The following BCAS1 variants were observed in gnomAD, a reference collection of about 807,000 sequenced individuals.
BCAS1 encodes the protein brain enriched myelin associated protein 1.
A neutral mutation model predicts 65.4 loss-of-function variants in BCAS1; 46 were observed. That is an observed-to-expected ratio of 0.70 (90% confidence interval 0.55 to 0.90). BCAS1 has a LOEUF of 0.90. BCAS1 is among the 40% of genes least tolerant of loss of function. The probability of loss-of-function intolerance (pLI) is 0.00; values close to 1 mark genes in which losing one functional copy is unlikely to be tolerated. For synonymous variants in BCAS1, 298 were observed against 293.5 expected (o/e 1.02, Z -0.16); for missense variants, 793 against 771.2 (o/e 1.03, Z -0.33).
In BCAS1 at chr20:53,980,511, T is replaced by C. The variant is rs6127044; in HGVS notation, c.1275+4776A>G. On this transcript the variant is annotated intron_variant, in intron 8 of 12. Coordinates refer to ENST00000688948, the MANE Select transcript of BCAS1 (RefSeq NM_001366298.2). ...TATAGGGCCACTCTTAGGCTATTAT[T>C]GTCAGGCAGTGGGTTAAGTGCTTTA... is the stretch of plus-strand genomic sequence containing the variant. Among the ~76,000 whole-genome samples, 12 of 152,372 alleles carry C rather than the reference T, an allele frequency of 7.9e-5. No homozygotes were observed. In the East Asian group the frequency reaches 2.1e-3, roughly 27 times the overall value.
intron 1 of BCAS1, among the ~76,000 whole-genome samples, chr20:54,069,015 G>C (rs999259317): frequency 1.3e-5 from 2 of 152,106 alleles, no homozygotes; most frequent in Admixed American, 6.5e-5. Flanking sequence ...AACCCTTCTG[G>C]GTTCCAGAAC....
intron 7 of BCAS1, among the ~76,000 whole-genome samples, chr20:53,990,447 T>C (rs1011862619): frequency 3.3e-5 from 5 of 152,230 alleles, no homozygotes; most frequent in African/African-American, 1.2e-4. Context: ...GAGAAAATTC[T>C]TTTTATAAGA....
At chr20:53,947,683 G>T (rs2089371703) in intron 12 of BCAS1, among the ~76,000 whole-genome samples, 1 of 152,140 alleles carries the variant, frequency 6.6e-6, no homozygotes, top group Non-Finnish European at 1.5e-5. Context: ...TAAGTGGGGT[G>T]CCGGCTTCTG....
In BCAS1 at chr20:54,030,596, A is replaced by G. The variant is rs953790507; in HGVS notation, c.143-1624T>C. ...TGCTCATTAATATGTAGTGAGAAAT[A>G]CATACACACACACATACACACACAT... On this transcript the variant is annotated intron_variant, in intron 3 of 12. Transcript: ENST00000688948. Among the ~76,000 whole-genome samples, 41 of 141,440 alleles carry G rather than the reference A, an allele frequency of 2.9e-4. 2 individuals are homozygous for G. Among genetic ancestry groups the G allele is most frequent in the African/African-American group, 9.1e-4 (37 of 40,464 alleles). 92.8% of individuals were successfully genotyped at this position (141,440 alleles called of 152,430 possible).
chr20:53,944,998 T>C lies in BCAS1; in HGVS notation c.1816-2A>G. ...AGCATCCAACATCCGCTTTGGTCCCTGGAGAAAAACAGAAAGACGTGGCAG... is the reference window on the plus strand; with the variant it reads ...AGCATCCAACATCCGCTTTGGTCCCCGGAGAAAAACAGAAAGACGTGGCAG... On this transcript the variant is annotated splice_acceptor_variant, in intron 12 of 12. Coordinates refer to ENST00000688948, the MANE Select transcript of BCAS1 (RefSeq NM_001366298.2). LOFTEE classifies it high-confidence loss of function. 1 of 1,614,018 alleles carries C rather than the reference T, an allele frequency of 6.2e-7. No individual in the cohort carries two copies. The highest frequency in any genetic ancestry group is 8.5e-7 in the Non-Finnish European group (1 of 1,179,958).
intron 4 of BCAS1, among the ~76,000 whole-genome samples, chr20:54,010,367 C>T (rs1026717389): frequency 2.0e-5 from 3 of 152,070 alleles, no homozygotes; most frequent in Non-Finnish European, 4.4e-5. Flanking sequence ...AACAGAATAA[C>T]ACCTAGAATT....
At position 54,020,777 on chromosome 20, in the gene BCAS1, G is replaced by T. The variant is rs116414245; in HGVS notation, c.723+7615C>A. On this transcript the variant is annotated intron_variant, in intron 4 of 12. Transcript: ENST00000688948. ...TGATCATTAGCAGATTTAAAAATAAGGTAGTGGGTCAAAACCAGCAGTAAA... is the reference window on the plus strand; with the variant it reads ...TGATCATTAGCAGATTTAAAAATAATGTAGTGGGTCAAAACCAGCAGTAAA... 2.9e-3 allele frequency among the ~76,000 whole-genome samples: 448 copies of T among 152,304 alleles called. 2 individuals carry two copies. Among genetic ancestry groups the T allele is most frequent in the African/African-American group, 0.01 (430 of 41,568 alleles).
Position 54,028,857 on chromosome 20 carries a change from G to T in BCAS1, c.258C>A (p.Pro86=), listed in dbSNP as rs377354616. Residue 86 remains proline, a synonymous_variant, in exon 4 of 13, where the codon CCC becomes CCA. Transcript: ENST00000688948. Reference sequence around the variant, plus strand: ...AACGAGATTTAGCAGCTGGTGCCTCGGGTTTGGCCTCTTTCCCAAGATTCT... The same window carrying T: ...AACGAGATTTAGCAGCTGGTGCCTCTGGTTTGGCCTCTTTCCCAAGATTCT... ...NGKNLGKEAK[P]EAPAAKSRFF... is the part of the protein sequence containing the mutation. 5.2e-5 allele frequency: 84 copies of T among 1,613,942 alleles called. 2 individuals carry two copies. The highest frequency in any genetic ancestry group is 2.2e-4 in the East Asian group (10 of 44,856).
intron 1 of BCAS1, among the ~76,000 whole-genome samples, chr20:54,070,093 A>G (rs543752453): frequency 6.6e-6 from 1 of 152,252 alleles, no homozygotes; most frequent in East Asian, 1.9e-4. Context: ...CCCAAATCAC[A>G]CAGCCTATCC....
In BCAS1 at chr20:54,028,781, C is replaced by A; in HGVS notation, c.334G>T (p.Ala112Ser). Residue 112 changes from alanine to serine, a missense_variant, in exon 4 of 13, where the codon GCA becomes TCA. Physicochemically the swap from Ala to Ser is moderately conservative, Grantham distance 99. Transcript: ENST00000688948. ...TTCACTGATCCAAGGGATGAATCTG[C>A]GGCTTGGTCTCCGGTACGTCCTGGT... ...PVPGRTGDQA[A>S]DSSLGSVKLD... The A allele has an allele frequency of 1.2e-6, 2 of 1,614,192 alleles. No individual in the cohort carries two copies. The highest frequency in any genetic ancestry group is 2.7e-5 in the African/African-American group (2 of 75,054).
intron 3 of BCAS1, among the ~76,000 whole-genome samples, chr20:54,030,161 C>T (rs1435425044): frequency 2.0e-5 from 3 of 152,160 alleles, no homozygotes; most frequent in Non-Finnish European, 4.4e-5. Context: ...TCCTTCTTTT[C>T]TAGGACCCTA....
At chr20:53,966,874 T>C (rs765173650) in intron 10 of BCAS1, 32 bp downstream of exon 10, 5 of 1,570,610 alleles carry the variant, frequency 3.2e-6, no homozygotes, top group Non-Finnish European at 3.4e-6. Context: ...CTAGGTATCT[T>C]AGGTTTCCTA....
chr20:54,053,218 A>G (rs1388721527), intron 3 of BCAS1, among the ~76,000 whole-genome samples: 4 of 152,218 alleles, frequency 2.6e-5, no homozygotes, highest in Non-Finnish European at 4.4e-5. Context: ...AGACATTTTG[A>G]TTTTTTAATA....
rs146555244 is a variant in BCAS1 at position 53,952,992 on chromosome 20, GCATTCATT to G, written c.1815+432_1815+439del. ...AATGTAAATAAAATCAGCCAATAAT[GCATTCATT>G]CATTCATTCATTCAACAAATATTAC... On this transcript the variant is annotated intron_variant, in intron 12 of 12. Coordinates refer to ENST00000688948, the MANE Select transcript of BCAS1 (RefSeq NM_001366298.2). 2.5e-3 allele frequency among the ~76,000 whole-genome samples: 378 copies of G among 151,986 alleles called. 2 individuals are homozygous for G. The highest frequency in any genetic ancestry group is 8.9e-3 in the African/African-American group (371 of 41,518).
At chr20:53,948,077 G>A (rs1038882600) in intron 12 of BCAS1, among the ~76,000 whole-genome samples, 26 of 152,204 alleles carry the variant, frequency 1.7e-4, no homozygotes, top group African/African-American at 6.3e-4. Flanking sequence ...CTTCTTGCAA[G>A]TGTCTAGAGC....
At chr20:53,975,950 C>T (rs140384405) in intron 8 of BCAS1, among the ~76,000 whole-genome samples, 1 of 152,294 alleles carries the variant, frequency 6.6e-6, no homozygotes, top group African/African-American at 2.4e-5. Context: ...CAGGGGCCAG[C>T]AGCAGGGGCC....
rs747156480 is a variant in BCAS1, at chr20:53,966,953, CTCTTT to C, written c.1433_1437del (p.Lys478ArgfsTer53). On this transcript the variant is annotated frameshift_variant, in exon 10 of 13. Coordinates refer to ENST00000688948, the MANE Select transcript of BCAS1 (RefSeq NM_001366298.2). LOFTEE classifies it high-confidence loss of function. Reference sequence around the variant, plus strand: ...AGAGAGGTTCTTGGTTTGCTTTCTTCTCTTTTGAGTTTCGCTTCTGTGGGTTCAGG... The same window carrying C: ...AGAGAGGTTCTTGGTTTGCTTTCTTCTGAGTTTCGCTTCTGTGGGTTCAGG... 368 of 1,613,134 alleles carry C rather than the reference CTCTTT, an allele frequency of 2.3e-4. No individual in the cohort carries two copies. The highest frequency in any genetic ancestry group is 6.9e-4 in the East Asian group (31 of 44,852).
At chr20:54,011,662 G>A (rs921421870) in intron 4 of BCAS1, among the ~76,000 whole-genome samples, 1 of 152,200 alleles carries the variant, frequency 6.6e-6, no homozygotes, top group African/African-American at 2.4e-5. Context: ...TGGTAGAAAT[G>A]TAAAGGGATA....
At chr20:53,968,224 C>T (rs2090088933) in intron 9 of BCAS1, among the ~76,000 whole-genome samples, 1 of 152,194 alleles carries the variant, frequency 6.6e-6, no homozygotes, top group Non-Finnish European at 1.5e-5. Context: ...ATGGAGACCA[C>T]AAATGGCCTA....
Sources: gnomAD v4.1 joint callset for allele counts (sites outside exome capture counted in the v4.1 genomes callset) on GRCh38, gnomAD v4.1.1 for gene constraint, MANE v1.5 for transcripts, NCBI Gene and HGNC (gene_info 2026-07-23, HGNC 2026-07-21) for gene names.